CCNY: variants seen among roughly 807,000 people sequenced by gnomAD.
CCNY encodes the protein cyclin Y, also known as cyclin-Y.
CCNY carries 19 observed loss-of-function variants against 42.8 expected under a neutral mutation model. The observed-to-expected ratio is 0.44, with a 90% confidence interval of 0.31 to 0.65. CCNY has a LOEUF of 0.65. CCNY is among the 30% of genes least tolerant of loss of function. The pLI, the probability that CCNY is intolerant of heterozygous loss-of-function variation, is 0.07. For missense variants in CCNY, 370 were observed against 437.3 expected (o/e 0.85, Z 1.37); for synonymous variants, 165 against 162.7 (o/e 1.01, Z -0.11).
intron 4 of CCNY, among the ~76,000 whole-genome samples, chr10:35,525,637 C>T (rs1840636417): frequency 6.6e-6 from 1 of 151,672 alleles, no homozygotes; most frequent in South Asian, 2.1e-4. Context: ...TTCTTTATAC[C>T]ACCTATTTTT....
intron 3 of CCNY, among the ~76,000 whole-genome samples, chr10:35,514,075 CAAAAAAAAAAA>C (rs11451104): frequency 5.3e-5 from 4 of 76,182 alleles, no homozygotes; most frequent in Non-Finnish European, 7.4e-5. Flanking sequence ...AGGACCAGTT[CAAAAAAAAAAA>C]AAAAAAAAAA....
At chr10:35,380,231 T>C (rs1022019821) in intron 1 of CCNY, among the ~76,000 whole-genome samples, 1 of 152,238 alleles carries the variant, frequency 6.6e-6, no homozygotes, top group African/African-American at 2.4e-5. Flanking sequence ...TAATGAATGC[T>C]TGGAGTCAGC....
chr10:35,468,912 T>C (rs1839326939), intron 1 of CCNY, among the ~76,000 whole-genome samples: 1 of 152,230 alleles, frequency 6.6e-6, no homozygotes, highest in Admixed American at 6.5e-5. Flanking sequence ...TTTGGGTTCA[T>C]AGATACTTTT....
At chr10:35,247,351 T>C (rs1186594664) in intron 1 of CCNY, among the ~76,000 whole-genome samples, 2 of 152,062 alleles carry the variant, frequency 1.3e-5, no homozygotes, top group Non-Finnish European at 2.9e-5. Flanking sequence ...CCCAGCACTT[T>C]GGGAGGCTGA....
chr10:35,365,389 A>G (rs1434151433), intron 1 of CCNY, among the ~76,000 whole-genome samples: 1 of 152,210 alleles, frequency 6.6e-6, no homozygotes, highest in Non-Finnish European at 1.5e-5. Flanking sequence ...CAATACATAG[A>G]TTCATTTCTT....
At chr10:35,367,228 A>G (rs1349390513) in intron 1 of CCNY, among the ~76,000 whole-genome samples, 2 of 152,068 alleles carry the variant, frequency 1.3e-5, no homozygotes, top group Admixed American at 6.5e-5. Flanking sequence ...GTTCTATTTT[A>G]TAGACTACTT....
intron 8 of CCNY, among the ~76,000 whole-genome samples, chr10:35,556,927 C>T (rs1401365432): frequency 6.6e-6 from 1 of 151,262 alleles, no homozygotes; most frequent in Non-Finnish European, 1.5e-5. Flanking sequence ...CTCACTGCAA[C>T]TTCGCTTCCC....
At chr10:35,364,933 A>G (rs578166730) in intron 1 of CCNY, among the ~76,000 whole-genome samples, 1 of 152,332 alleles carries the variant, frequency 6.6e-6, no homozygotes, top group Admixed American at 6.5e-5. Flanking sequence ...TGCTGGTTTA[A>G]GTCCAAGCTC....
chr10:35,449,185 C>G (rs1215471051), intron 1 of CCNY, among the ~76,000 whole-genome samples: 1 of 150,052 alleles, frequency 6.7e-6, no homozygotes, highest in Non-Finnish European at 1.5e-5. Flanking sequence ...GTATTCATTA[C>G]AGTCTTGTGG....
At chr10:35,357,752 G>A (rs779679651) in intron 1 of CCNY, among the ~76,000 whole-genome samples, 1 of 152,042 alleles carries the variant, frequency 6.6e-6, no homozygotes. Context: ...GTAAATATTC[G>A]ATTTCTTATC....
intron 2 of CCNY, among the ~76,000 whole-genome samples, chr10:35,249,416 A>T (rs574972543): frequency 1.3e-5 from 2 of 152,292 alleles, no homozygotes; most frequent in African/African-American, 2.4e-5. Flanking sequence ...CTAAATGGAA[A>T]ACTGTGTAGA....
intron 9 of CCNY, among the ~76,000 whole-genome samples, chr10:35,566,873 T>A (rs1841582385): frequency 6.6e-6 from 1 of 150,850 alleles, no homozygotes; most frequent in Admixed American, 6.6e-5. Context: ...GCCCAGCTAA[T>A]TTTTTTTTGT....
intron 1 of CCNY, among the ~76,000 whole-genome samples, chr10:35,477,184 T>C (rs1839533276): frequency 6.6e-6 from 1 of 152,148 alleles, no homozygotes; most frequent in Non-Finnish European, 1.5e-5. Context: ...CCAGATGGAT[T>C]CACAGCCAAA....
Position 35,443,229 on chromosome 10 carries a change from A to C in CCNY, c.155-40175A>C, listed in dbSNP as rs185550812. Among the ~76,000 whole-genome samples the C allele has an allele frequency of 4.3e-4, 66 of 152,358 alleles. No individual in the cohort carries two copies. The East Asian group carries it at 9.8e-3, about 23-fold the overall frequency. The stretch of plus-strand genomic sequence containing the variant: ...TGCAAACAGTGTACACCTAGGCCAC[A>C]CTAAACTGATACAAAATATTTTTCT... On this transcript the variant is annotated intron_variant, in intron 1 of 9. Transcript: ENST00000374704.
At chr10:35,529,241 C>T (rs926158340) in intron 5 of CCNY, among the ~76,000 whole-genome samples, 4 of 152,104 alleles carry the variant, frequency 2.6e-5, no homozygotes, top group Admixed American at 1.3e-4. Flanking sequence ...AGTGACGTTG[C>T]GTGTTGTGAA....
chr10:35,568,712 G>A (rs1272628697), intron 9 of CCNY, among the ~76,000 whole-genome samples: 1 of 152,200 alleles, frequency 6.6e-6, no homozygotes, highest in Non-Finnish European at 1.5e-5. Flanking sequence ...AGGTGAGGAC[G>A]CCAAGGATTC....
At chr10:35,358,396 G>C (rs147705098) in intron 1 of CCNY, among the ~76,000 whole-genome samples, 1,693 of 152,256 alleles carry the variant, frequency 0.011, 12 homozygotes, top group Admixed American at 0.022. Context: ...TCACACAAGA[G>C]AGTAGAAGAG....
At chr10:35,373,993 G>A (rs1488935932) in intron 1 of CCNY, among the ~76,000 whole-genome samples, 1 of 152,012 alleles carries the variant, frequency 6.6e-6, no homozygotes, top group African/African-American at 2.4e-5. Context: ...GTATCATTTT[G>A]TACAGTTTTT....
At chr10:35,441,680 G>A (rs560329602) in intron 1 of CCNY, among the ~76,000 whole-genome samples, 14 of 152,256 alleles carry the variant, frequency 9.2e-5, no homozygotes, top group Admixed American at 3.9e-4. Flanking sequence ...CCCAGAAGAC[G>A]GAGGTTGCAT....
Sources: gnomAD v4.1 joint callset for allele counts (sites outside exome capture counted in the v4.1 genomes callset) on GRCh38, gnomAD v4.1.1 for gene constraint, MANE v1.5 for transcripts, NCBI Gene and HGNC (gene_info 2026-07-23, HGNC 2026-07-21) for gene names.